Variants in RABGAP1L observed in about 807,000 individuals in gnomAD.
The protein encoded by RABGAP1L is RAB GTPase activating protein 1 like.
Under a neutral mutation model 137.7 loss-of-function variants are expected in RABGAP1L, and 63 were observed. The ratio of observed to expected loss-of-function variants is 0.46; its 90% CI spans 0.37 to 0.56. The LOEUF is 0.56. Among genes scored for constraint, RABGAP1L ranks in the 20% least tolerant of loss-of-function variants. RABGAP1L has a pLI of 0.00. For synonymous variants in RABGAP1L, 431 were observed against 433.7 expected, an observed-to-expected ratio of 0.99 and a Z score of 0.08; for missense variants, 1,095 against 1,244.0, an observed-to-expected ratio of 0.88 and a Z score of 1.80.
intron 14 of RABGAP1L, among the ~76,000 whole-genome samples, chr1:174,646,585 C>A (rs1043179685): frequency 1.3e-5 from 2 of 152,086 alleles, no homozygotes; most frequent in African/African-American, 4.8e-5. Flanking sequence ...TGTTTTGATA[C>A]CAGTACCATG....
At chr1:174,546,559 A>G (rs1322453826) in intron 13 of RABGAP1L, among the ~76,000 whole-genome samples, 1 of 152,174 alleles carries the variant, frequency 6.6e-6, no homozygotes, top group Non-Finnish European at 1.5e-5. Flanking sequence ...GCCATTTGTG[A>G]TAAGGGGGAA....
intron 19 of RABGAP1L, among the ~76,000 whole-genome samples, chr1:174,867,697 C>T (rs1208864378): frequency 6.6e-6 from 1 of 152,110 alleles, no homozygotes; most frequent in East Asian, 1.9e-4. Context: ...CCAGGCTGGA[C>T]TGCAGTGACG....
chr1:174,290,968 C>G (rs1348865001), intron 10 of RABGAP1L, among the ~76,000 whole-genome samples: 1 of 152,076 alleles, frequency 6.6e-6, no homozygotes, highest in African/African-American at 2.4e-5. Context: ...CTATGTTGCC[C>G]AGGCTGGTCT....
At chr1:174,776,617 C>T (rs1686547308) in intron 18 of RABGAP1L, among the ~76,000 whole-genome samples, 1 of 152,136 alleles carries the variant, frequency 6.6e-6, no homozygotes, top group Non-Finnish European at 1.5e-5. Context: ...GTAAACAGGT[C>T]TAAAGATTTC....
At chr1:174,909,250 G>T (rs1278961037) in intron 19 of RABGAP1L, among the ~76,000 whole-genome samples, 1 of 151,672 alleles carries the variant, frequency 6.6e-6, no homozygotes, top group Non-Finnish European at 1.5e-5. Context: ...TTGAGAGAAG[G>T]TCTTACTCTG....
At chr1:174,872,682 A>G (rs1236978057) in intron 19 of RABGAP1L, among the ~76,000 whole-genome samples, 13 of 151,834 alleles carry the variant, frequency 8.6e-5, no homozygotes, top group Non-Finnish European at 1.6e-4. Flanking sequence ...CTGAGACTAC[A>G]GGAACTTGCT....
chr1:174,686,010 G>C (rs1434592010), intron 15 of RABGAP1L, among the ~76,000 whole-genome samples: 1 of 152,166 alleles, frequency 6.6e-6, no homozygotes, highest in African/African-American at 2.4e-5. Flanking sequence ...AGATCATCTA[G>C]AAGAATGAAT....
rs200205400 is a variant in RABGAP1L, at chr1:174,429,751, AT to A, written c.1710+35607del. 4.0e-4 allele frequency among the ~76,000 whole-genome samples: 61 copies of A among 151,706 alleles called. 1 individual carries two copies. Among genetic ancestry groups the A allele is most frequent in the African/African-American group, 9.9e-4 (41 of 41,322 alleles). ...CAAGACTCCATCTCAAAAAAAAAAA[AT>A]AAAAATAAAAATAAAGATAAACCAG... On this transcript the variant is annotated intron_variant, in intron 13 of 25. Transcript: ENST00000681986.
intron 13 of RABGAP1L, among the ~76,000 whole-genome samples, chr1:174,398,015 A>G (rs1252842645): frequency 1.3e-5 from 2 of 152,156 alleles, no homozygotes; most frequent in African/African-American, 4.8e-5. Context: ...CAGCCAAAGG[A>G]AGACATGTAT....
At chr1:174,951,129 T>C (rs2149324252) in intron 19 of RABGAP1L, among the ~76,000 whole-genome samples, 1 of 152,350 alleles carries the variant, frequency 6.6e-6, no homozygotes, top group African/African-American at 2.4e-5. Flanking sequence ...GTCCCACAAA[T>C]TTCTTCTTGA....
intron 13 of RABGAP1L, among the ~76,000 whole-genome samples, chr1:174,622,504 C>T (rs1280053297): frequency 1.3e-5 from 2 of 152,184 alleles, no homozygotes; most frequent in Non-Finnish European, 2.9e-5. Flanking sequence ...CACATATACA[C>T]CATGGAATAC....
chr1:174,838,157 A>C (rs1692956573), intron 19 of RABGAP1L, among the ~76,000 whole-genome samples: 1 of 152,238 alleles, frequency 6.6e-6, no homozygotes, highest in African/African-American at 2.4e-5. Flanking sequence ...TAAAAGAAAT[A>C]CTTAAAATGC....
chr1:174,280,048 G>GGAGGGAGAGAGAGAGAGAGA (rs1476116577), intron 10 of RABGAP1L, among the ~76,000 whole-genome samples: 1 of 125,252 alleles, frequency 8.0e-6, no homozygotes, highest in Admixed American at 8.4e-5. Context: ...CTGTCTGCCT[G>GGAGGGAGAGAGAGAGAGAGA]GAGAGAGAGA....
chr1:174,561,098 G>A (rs1471970918), intron 13 of RABGAP1L, among the ~76,000 whole-genome samples: 1 of 152,140 alleles, frequency 6.6e-6, no homozygotes, highest in Non-Finnish European at 1.5e-5. Context: ...CAGATGACAT[G>A]ATCGTATATT....
intron 13 of RABGAP1L, among the ~76,000 whole-genome samples, chr1:174,562,692 A>G (rs1325954827): frequency 6.6e-6 from 1 of 152,230 alleles, no homozygotes; most frequent in Non-Finnish European, 1.5e-5. Context: ...GGATGAGTTC[A>G]TGTCCTTTGC....
At chr1:174,635,863 C>T (rs1485343649) in intron 13 of RABGAP1L, among the ~76,000 whole-genome samples, 2 of 152,126 alleles carry the variant, frequency 1.3e-5, no homozygotes, top group Non-Finnish European at 2.9e-5. Context: ...AATCAACCAC[C>T]CCCTTCTTGT....
In RABGAP1L at chr1:174,657,904, T is replaced by C. The variant is rs1395423743; in HGVS notation, c.1824+20416T>C. ...GTTGCCTGTAACTGCTTTTGACAAATGCCCCCAGGAAAAAGGCTTTTCATA... is the reference window on the plus strand; with the variant it reads ...GTTGCCTGTAACTGCTTTTGACAAACGCCCCCAGGAAAAAGGCTTTTCATA... On this transcript the variant is annotated intron_variant, in intron 14 of 25. Transcript: ENST00000681986. 3.9e-5 allele frequency among the ~76,000 whole-genome samples: 6 copies of C among 152,268 alleles called. No individual in the cohort carries two copies. The East Asian group carries it at 1.2e-3, about 29-fold the overall frequency.
chr1:174,956,156 T>C (rs1300295280), intron 19 of RABGAP1L, among the ~76,000 whole-genome samples: 4 of 152,194 alleles, frequency 2.6e-5, no homozygotes, highest in Non-Finnish European at 5.9e-5. Context: ...GAAATTTTGT[T>C]TACCTGCTAT....
intron 10 of RABGAP1L, among the ~76,000 whole-genome samples, chr1:174,285,548 A>G (rs1380617850): frequency 6.6e-6 from 1 of 150,596 alleles, no homozygotes; most frequent in East Asian, 1.9e-4. Context: ...GAGTCATCAG[A>G]ATTTTCTATG....
Sources: gnomAD v4.1 joint callset for allele counts (sites outside exome capture counted in the v4.1 genomes callset) on GRCh38, gnomAD v4.1.1 for gene constraint, MANE v1.5 for transcripts, NCBI Gene and HGNC (gene_info 2026-07-23, HGNC 2026-07-21) for gene names.